The following CAST variants were observed in gnomAD, a reference collection of about 807,000 sequenced individuals.
The protein encoded by CAST is calpastatin.
CAST carries 76 observed loss-of-function variants against 119.6 expected under a neutral mutation model. The ratio of observed to expected loss-of-function variants is 0.64; its 90% CI spans 0.53 to 0.77. The LOEUF (loss-of-function observed/expected upper bound fraction) is 0.77. CAST is among the 30% of genes least tolerant of loss of function. The pLI is 0.00. For synonymous variants in CAST, 319 were observed against 331.6 expected, an observed-to-expected ratio of 0.96 and a Z score of 0.41; for missense variants, 953 against 946.5, an observed-to-expected ratio of 1.01 and a Z score of -0.09.
chr5:96,437,234 G>A, the CAST span, among the ~76,000 whole-genome samples: 2 of 152,180 alleles, frequency 1.3e-5, no homozygotes, highest in Non-Finnish European at 2.9e-5. Context: ...GAATGAACTA[G>A]ATAAACACAA....
chr5:96,713,712 A>G lies in CAST; in HGVS notation c.211-8927A>G, dbSNP rs189220782. Among the ~76,000 whole-genome samples the G allele has an allele frequency of 2.4e-4, 37 of 152,044 alleles. 1 individual carries two copies. In the East Asian group the frequency reaches 7.0e-3, roughly 29 times the overall value. ...GCTCAGGCTGGGCATGGTGGCTCACACCTGTAATCCCAGCACTTCGGGGAG... is the reference window on the plus strand; with the variant it reads ...GCTCAGGCTGGGCATGGTGGCTCACGCCTGTAATCCCAGCACTTCGGGGAG... On this transcript the variant is annotated intron_variant, in intron 3 of 31. Transcript: ENST00000675179.
the CAST span, among the ~76,000 whole-genome samples, chr5:96,357,430 C>T: frequency 6.6e-6 from 1 of 152,262 alleles, no homozygotes; most frequent in South Asian, 2.1e-4. Context: ...GGGAATGCTT[C>T]CAGGTTTTGC....
chr5:96,234,384 G>A, the CAST span, among the ~76,000 whole-genome samples: 1 of 152,314 alleles, frequency 6.6e-6, no homozygotes, highest in Non-Finnish European at 1.5e-5. Context: ...GAATGGCATT[G>A]TAATATCTGC....
In CAST at chr5:96,773,208, G is replaced by A. The variant is rs1773090823; in HGVS notation, c.*592G>A. The stretch of plus-strand genomic sequence containing the variant: ...GCTGCTAATAATAAATTAATAACAG[G>A]TAACCTGGACAAACCAGGAAGCACC... On this transcript the variant is annotated 3_prime_UTR_variant, in exon 32 of 32. Coordinates refer to ENST00000675179, the MANE Select transcript of CAST (RefSeq NM_001750.7). The A allele has an allele frequency of 6.5e-6, 1 of 153,676 alleles. No individual in the cohort carries two copies. 9.5% of individuals were successfully genotyped at this position (153,676 alleles called of 1,614,324 possible).
At chr5:96,238,808 T>C in the CAST span, among the ~76,000 whole-genome samples, 2 of 152,164 alleles carry the variant, frequency 1.3e-5, no homozygotes, top group Non-Finnish European at 2.9e-5. Flanking sequence ...GTTTCTATGT[T>C]AGTATCTTTA....
chr5:96,298,182 T>C, the CAST span, among the ~76,000 whole-genome samples: 2 of 152,350 alleles, frequency 1.3e-5, no homozygotes, highest in South Asian at 4.1e-4. Context: ...TCTGTAGCAA[T>C]GGTGCAAAAC....
rs774128812 is a variant in CAST, at chr5:96,726,862, G to T, written c.336+3G>T. On this transcript the variant is annotated splice_donor_region_variant and intron_variant, in intron 5 of 31. Coordinates refer to ENST00000675179, the MANE Select transcript of CAST (RefSeq NM_001750.7). ...ACAAGAAAAAACACAAAAAACAGGT[G>T]ATGTTGTTCATTGTACTAGGGCATC... 77 of 1,608,388 alleles carry T rather than the reference G, an allele frequency of 4.8e-5. No individual in the cohort carries two copies. The highest frequency in any genetic ancestry group is 6.6e-5 in the Non-Finnish European group (77 of 1,175,138).
chr5:96,311,145 C>T, the CAST span, among the ~76,000 whole-genome samples: 2 of 152,130 alleles, frequency 1.3e-5, no homozygotes, highest in South Asian at 4.1e-4. Flanking sequence ...TTGTTTGTCT[C>T]AAGATGTTCT....
chr5:96,362,773 A>G, the CAST span, among the ~76,000 whole-genome samples: 2 of 152,122 alleles, frequency 1.3e-5, no homozygotes, highest in Non-Finnish European at 1.5e-5. Context: ...ATTGTCTCCC[A>G]TTCTGTAGGT....
chr5:96,011,038 T>A, the CAST span, among the ~76,000 whole-genome samples: 7 of 152,334 alleles, frequency 4.6e-5, no homozygotes, highest in African/African-American at 1.7e-4. Context: ...AGAATCATAT[T>A]GTCAATGAAG....
chr5:96,364,110 G>C, the CAST span, among the ~76,000 whole-genome samples: 1,398 of 152,184 alleles, frequency 9.2e-3, 18 homozygotes, highest in African/African-American at 0.032. Flanking sequence ...TTTGTCTTTG[G>C]TTCTGTTTAT....
intron 3 of CAST, among the ~76,000 whole-genome samples, chr5:96,696,513 T>C (rs1168945270): frequency 6.6e-6 from 1 of 151,908 alleles, no homozygotes; most frequent in African/African-American, 2.4e-5. Context: ...GTTTTGCAAC[T>C]TATAAAAATC....
At chr5:96,521,371 A>G (rs1745516334), upstream of CAST, among the ~76,000 whole-genome samples, 1 of 152,188 alleles carries the variant, frequency 6.6e-6, no homozygotes, top group African/African-American at 2.4e-5. Context: ...CCAGGTCCCC[A>G]GTCCTTCTCC....
the CAST span, among the ~76,000 whole-genome samples, chr5:96,180,910 T>C: frequency 0.014 from 2,074 of 152,300 alleles, 50 homozygotes; most frequent in African/African-American, 0.047. Flanking sequence ...CTCCAGAGTG[T>C]TGTGAAAGTT....
intron 3 of CAST, among the ~76,000 whole-genome samples, chr5:96,710,059 T>C (rs1755792422): frequency 6.6e-6 from 1 of 152,170 alleles, no homozygotes; most frequent in South Asian, 2.1e-4. Context: ...AGGACAAGTA[T>C]TATTGAGGTA....
the CAST span, among the ~76,000 whole-genome samples, chr5:96,236,957 C>G: frequency 6.6e-6 from 1 of 152,158 alleles, no homozygotes; most frequent in African/African-American, 2.4e-5. Context: ...TTCATTTGTC[C>G]AGTCAGAAGT....
the CAST span, among the ~76,000 whole-genome samples, chr5:96,453,771 C>T: frequency 6.6e-6 from 1 of 152,136 alleles, no homozygotes; most frequent in African/African-American, 2.4e-5. Context: ...AGAATAAATG[C>T]TTTGGCATCA....
chr5:96,753,143 AC>A (rs1290095891), intron 20 of CAST, among the ~76,000 whole-genome samples: 1 of 151,856 alleles, frequency 6.6e-6, no homozygotes, highest in Non-Finnish European at 1.5e-5. Context: ...ACAGGCATGC[AC>A]CATCATGCCT....
At chr5:96,171,417 AGAGG>A in the CAST span, among the ~76,000 whole-genome samples, 1 of 152,136 alleles carries the variant, frequency 6.6e-6, no homozygotes, top group South Asian at 2.1e-4. Context: ...CAGAGAAAAG[AGAGG>A]GTAGAGACAT....
Sources: allele counts gnomAD v4.1 joint callset (sites outside exome capture counted in the v4.1 genomes callset), GRCh38; gene constraint gnomAD v4.1.1; transcripts MANE v1.5; gene names NCBI Gene and HGNC (gene_info 2026-07-23, HGNC 2026-07-21).